ARPP21: variants seen among roughly 807,000 people sequenced by gnomAD.
ARPP21 encodes cAMP regulated phosphoprotein 21.
A neutral mutation model predicts 113.2 loss-of-function variants in ARPP21; 69 were observed. That is an observed-to-expected ratio of 0.61 (90% confidence interval 0.50 to 0.74). ARPP21 has a LOEUF of 0.74. Ranked by LOEUF, ARPP21 falls within the 30% of genes least tolerant of loss-of-function variation. The pLI is 0.00. For synonymous variants in ARPP21, 368 were observed against 375.5 expected (o/e 0.98, Z 0.23); for missense variants, 1,070 against 1,037.4 (o/e 1.03, Z -0.43).
intron 19 of ARPP21, among the ~76,000 whole-genome samples, chr3:35,756,963 T>C (rs1045932379): frequency 1.3e-5 from 2 of 152,148 alleles, no homozygotes; most frequent in African/African-American, 2.4e-5. Context: ...AAACAACTTA[T>C]AAACAAATAT....
intron 19 of ARPP21, among the ~76,000 whole-genome samples, chr3:35,764,479 T>C (rs985059401): frequency 5.3e-5 from 8 of 152,170 alleles, no homozygotes; most frequent in South Asian, 4.1e-4. Flanking sequence ...GGCTGATGTA[T>C]GCTCCTGGGC....
intron 5 of ARPP21, chr3:35,684,171 T>G (rs2079845551): frequency 5.1e-6 from 7 of 1,378,408 alleles, no homozygotes; most frequent in Non-Finnish European, 6.6e-6. Context: ...CTCTCCTTCC[T>G]TGTTGGAGAT....
intron 20 of ARPP21, among the ~76,000 whole-genome samples, chr3:35,792,873 C>T (rs1011890071): frequency 1.3e-5 from 2 of 152,158 alleles, no homozygotes; most frequent in Non-Finnish European, 2.9e-5. Flanking sequence ...AATTCCCATT[C>T]ATTTTTGTAC....
chr3:35,702,382 C>A (rs1280221141), intron 9 of ARPP21, among the ~76,000 whole-genome samples: 1 of 151,630 alleles, frequency 6.6e-6, no homozygotes, highest in Admixed American at 6.6e-5. Context: ...TCTTTGGATT[C>A]ATTATTAGAA....
At chr3:35,782,857 A>T (rs2151762562) in intron 19 of ARPP21, among the ~76,000 whole-genome samples, 1 of 152,258 alleles carries the variant, frequency 6.6e-6, no homozygotes, top group East Asian at 1.9e-4. Context: ...TTCTCTGCCC[A>T]GCATGGTGCT....
chr3:35,752,210 T>C (rs2095427189), intron 19 of ARPP21, among the ~76,000 whole-genome samples: 1 of 151,904 alleles, frequency 6.6e-6, no homozygotes, highest in East Asian at 1.9e-4. Flanking sequence ...TATATCCTGT[T>C]TGTTTTATTT....
upstream of ARPP21, chr3:35,638,896 G>A (rs1387835449): frequency 6.6e-6 from 1 of 152,446 alleles, no homozygotes; most frequent in Admixed American, 6.5e-5. Flanking sequence ...CTGAGGCTAC[G>A]GATTCATTCG....
chr3:35,756,008 A>G (rs186840509), intron 19 of ARPP21, among the ~76,000 whole-genome samples: 2 of 152,220 alleles, frequency 1.3e-5, no homozygotes, highest in East Asian at 3.9e-4. Flanking sequence ...TACTGTCTTT[A>G]GACATGACTG....
At chr3:35,646,928 G>A (rs187470746) in intron 1 of ARPP21, among the ~76,000 whole-genome samples, 15 of 152,058 alleles carry the variant, frequency 9.9e-5, no homozygotes, top group East Asian at 7.7e-4. Context: ...TTTCACTCCC[G>A]TGTCATTTAA....
intron 19 of ARPP21, among the ~76,000 whole-genome samples, chr3:35,773,770 A>G (rs2096274001): frequency 1.3e-5 from 2 of 152,194 alleles, no homozygotes. Context: ...TTAAAATTTT[A>G]TCCTCAAAAG....
In ARPP21 at chr3:35,732,446, A is replaced by G. The variant is rs144776253; in HGVS notation, c.1459+2910A>G. On this transcript the variant is annotated intron_variant, in intron 15 of 20. Coordinates refer to ENST00000684406, the MANE Select transcript of ARPP21 (RefSeq NM_001385562.1). ...TCTTTGCTTTTCAGGCATCTGGATG[A>G]GTGAGGTGTCACGGAGGCTGTTTTT... is the stretch of plus-strand genomic sequence containing the variant. Among the ~76,000 whole-genome samples the G allele has an allele frequency of 4.5e-3, 680 of 152,316 alleles. 2 individuals carry two copies. The highest frequency in any genetic ancestry group is 0.015 in the African/African-American group (644 of 41,574).
chr3:35,710,234 G>T (rs565308832), intron 11 of ARPP21, among the ~76,000 whole-genome samples: 1 of 152,232 alleles, frequency 6.6e-6, no homozygotes, highest in East Asian at 1.9e-4. Flanking sequence ...AGTTACCATT[G>T]TTGGAGGTCT....
At chr3:35,749,826 G>A (rs2095334884) in intron 19 of ARPP21, among the ~76,000 whole-genome samples, 1 of 152,090 alleles carries the variant, frequency 6.6e-6, no homozygotes, top group Non-Finnish European at 1.5e-5. Flanking sequence ...TTTCTTCCAA[G>A]TGGCTGAATT....
At chr3:35,682,018 T>C in intron 3 of ARPP21, 138 bp downstream of exon 3, 1 of 1,119,664 alleles carries the variant, frequency 8.9e-7, no homozygotes, top group Non-Finnish European at 1.2e-6. Flanking sequence ...CTCCTACTTT[T>C]TCAATTTTTG....
intron 1 of ARPP21, among the ~76,000 whole-genome samples, chr3:35,651,257 G>A (rs1702257608): frequency 6.6e-6 from 1 of 152,028 alleles, no homozygotes; most frequent in Admixed American, 6.6e-5. Context: ...GCAGAGAGAT[G>A]TCTGGAGAAA....
chr3:35,665,730 C>T (rs1170049788), intron 1 of ARPP21, among the ~76,000 whole-genome samples: 2 of 152,170 alleles, frequency 1.3e-5, no homozygotes, highest in Admixed American at 1.3e-4. Context: ...TGAAGAGCTA[C>T]TTAATGAACC....
chr3:35,692,734 A>T (rs1364719855), intron 9 of ARPP21, among the ~76,000 whole-genome samples: 1 of 151,648 alleles, frequency 6.6e-6, no homozygotes, highest in Non-Finnish European at 1.5e-5. Flanking sequence ...TCTAAACCTG[A>T]TCTGCCCGGT....
In ARPP21 at chr3:35,689,383, C is replaced by A; in HGVS notation, c.483C>A (p.Ser161=). 1 of 1,439,178 alleles carries A rather than the reference C, an allele frequency of 6.9e-7. No individual in the cohort carries two copies. Among genetic ancestry groups the A allele is most frequent in the Non-Finnish European group, 9.8e-7 (1 of 1,022,144 alleles). 89.2% of individuals were successfully genotyped at this position (1,439,178 alleles called of 1,614,324 possible). ...EFLINTLKNN[S]RDRMILLKME... ...TGATTAACACATTAAAGAATAATTC[C>A]AGGTAAATTATTAAATGAGCCTCTT... Residue 161 remains serine (S), a splice_region_variant and synonymous_variant, in exon 7 of 21, where the codon TCC becomes TCA. Coordinates refer to ENST00000684406, the MANE Select transcript of ARPP21 (RefSeq NM_001385562.1).
At chr3:35,671,437 G>A (rs1184480778) in intron 1 of ARPP21, among the ~76,000 whole-genome samples, 1 of 152,002 alleles carries the variant, frequency 6.6e-6, no homozygotes, top group Admixed American at 6.6e-5. Context: ...TTTTTTTCTA[G>A]CAAATATGTT....
Sources: gnomAD v4.1 joint callset for allele counts (sites outside exome capture counted in the v4.1 genomes callset) on GRCh38, gnomAD v4.1.1 for gene constraint, MANE v1.5 for transcripts, NCBI Gene and HGNC (gene_info 2026-07-23, HGNC 2026-07-21) for gene names.